The following WDR27 variants were observed in gnomAD, a reference collection of about 807,000 sequenced individuals.
WDR27 encodes WD repeat domain 27.
In WDR27, 100 loss-of-function variants were observed where a neutral mutation model predicts 114.4. That is an observed-to-expected ratio of 0.87 (90% CI 0.74 to 1.03). WDR27 has a LOEUF of 1.03. WDR27 is among the 50% of genes least tolerant of loss of function. The probability of loss-of-function intolerance (pLI) is 0.00; values close to 1 mark genes in which losing one functional copy is unlikely to be tolerated. For synonymous variants in WDR27, 449 were observed against 423.1 expected, an observed-to-expected ratio of 1.06 and a Z score of -0.75; for missense variants, 1,129 against 1,092.9, an observed-to-expected ratio of 1.03 and a Z score of -0.47.
rs113102089 is a variant in WDR27, at chr6:169,457,540, G to A, written c.*52C>T. 1.1e-3 allele frequency: 1,663 copies of A among 1,488,452 alleles called. 19 individuals carry two copies. The African/African-American group carries it at 0.021, about 19-fold the overall frequency. The allele number at this position is 1,488,452 out of a possible 1,614,324, so 92.2% of individuals were successfully genotyped here. On this transcript the variant is annotated 3_prime_UTR_variant, in exon 26 of 26. Coordinates refer to ENST00000448612, the MANE Select transcript of WDR27 (RefSeq NM_182552.5). ...ATGAACCACTACTTCTTACTTTTAA[G>A]TTGTTCCTCACAGCATTCCTGGACC...
Position 169,599,579 on chromosome 6 carries a change from T to C in WDR27, c.2424+2640A>G, listed in dbSNP as rs560037603. On this transcript the variant is annotated intron_variant, in intron 23 of 25. Coordinates refer to ENST00000448612, the MANE Select transcript of WDR27 (RefSeq NM_182552.5). ...GTTTATAGTATTCTCTGATGGTAGT[T>C]TGTATTTCTGTGGGATTGGTGGTGA... is the stretch of plus-strand genomic sequence containing the variant. Among the ~76,000 whole-genome samples, 4 of 152,296 alleles carry C rather than the reference T, an allele frequency of 2.6e-5. No homozygotes were observed. In the South Asian group the frequency reaches 8.3e-4, roughly 32 times the overall value.
the WDR27 span, among the ~76,000 whole-genome samples, chr6:169,445,762 G>T: frequency 6.6e-6 from 1 of 152,360 alleles, no homozygotes; most frequent in South Asian, 2.1e-4. Context: ...TCACAGCGGA[G>T]GTCTGGCAGC....
chr6:169,577,764 C>A (rs888322353), intron 24 of WDR27, among the ~76,000 whole-genome samples: 2 of 152,204 alleles, frequency 1.3e-5, no homozygotes, highest in African/African-American at 2.4e-5. Context: ...AAGACATTCG[C>A]CGCAGCAGCT....
intron 23 of WDR27, among the ~76,000 whole-genome samples, chr6:169,588,985 A>G (rs1282319555): frequency 6.6e-6 from 1 of 152,208 alleles, no homozygotes; most frequent in Non-Finnish European, 1.5e-5. Flanking sequence ...AGGTTTTGCT[A>G]TTTATTTCAC....
In WDR27 at chr6:169,662,319, T is replaced by C; in HGVS notation, c.1010A>G (p.Asn337Ser). 2 of 1,613,846 alleles carry C rather than the reference T, an allele frequency of 1.2e-6. No individual in the cohort carries two copies. The highest frequency in any genetic ancestry group is 1.7e-6 in the Non-Finnish European group (2 of 1,179,718). ...TGATACTTACCATCCACATGCAGAA[T>C]TTGGGATGAGTGAGAGATCACAGGG... ...LAPCDLSLIPNSACGCLSSEN... is the reference protein window; with the variant it reads ...LAPCDLSLIPSSACGCLSSEN... Residue 337 changes from asparagine to serine, a missense_variant, in exon 9 of 26, where the codon AAT becomes AGT. Coordinates refer to ENST00000448612, the MANE Select transcript of WDR27 (RefSeq NM_182552.5).
chr6:169,592,195 A>C (rs890923281), intron 23 of WDR27, among the ~76,000 whole-genome samples: 1 of 152,154 alleles, frequency 6.6e-6, no homozygotes, highest in Non-Finnish European at 1.5e-5. Context: ...TTATTCTCCC[A>C]AGTAACTTTC....
intron 25 of WDR27, among the ~76,000 whole-genome samples, chr6:169,510,117 A>C (rs949060901): frequency 1.3e-5 from 2 of 152,232 alleles, no homozygotes; most frequent in African/African-American, 4.8e-5. Flanking sequence ...CGATCATTAA[A>C]AAGTCAGGAA....
intron 6 of WDR27, chr6:169,666,735 G>A (rs1827925175): frequency 3.0e-6 from 3 of 991,974 alleles, no homozygotes; most frequent in Non-Finnish European, 3.6e-6. Flanking sequence ...ACCTGACCAT[G>A]AGGCCAGGTG....
the WDR27 span, among the ~76,000 whole-genome samples, chr6:169,445,071 C>T: frequency 2.6e-5 from 4 of 152,224 alleles, no homozygotes; most frequent in East Asian, 7.7e-4. Flanking sequence ...ACTTCAAATA[C>T]AAACAATAAC....
At chr6:169,675,564 G>A (rs1365258581) in intron 2 of WDR27, among the ~76,000 whole-genome samples, 1 of 152,160 alleles carries the variant, frequency 6.6e-6, no homozygotes, top group African/African-American at 2.4e-5. Flanking sequence ...ATGTACTTTA[G>A]GGAGGCATGA....
chr6:169,513,419 G>A (rs2115540309), intron 25 of WDR27, among the ~76,000 whole-genome samples: 1 of 152,256 alleles, frequency 6.6e-6, no homozygotes, highest in South Asian at 2.1e-4. Flanking sequence ...ACCTCTCGAG[G>A]AAAGAAGTGT....
At chr6:169,701,242 A>G (rs890095829) in intron 1 of WDR27, among the ~76,000 whole-genome samples, 8 of 152,226 alleles carry the variant, frequency 5.3e-5, no homozygotes, top group African/African-American at 1.4e-4. Flanking sequence ...TATTTTTAAA[A>G]AGAGAAAATT....
chr6:169,562,015 A>C (rs1799741943), intron 25 of WDR27, among the ~76,000 whole-genome samples: 1 of 152,244 alleles, frequency 6.6e-6, no homozygotes, highest in Non-Finnish European at 1.5e-5. Context: ...AAGAGGACAT[A>C]ATAACCCAAA....
Position 169,636,357 on chromosome 6 carries a change from C to CG in WDR27, c.2003+13dup, listed in dbSNP as rs771169155. ...TGTGATCTAAAAATAATGCACAGGG[C>CG]GGGGGGTGCCTACCTCTTAATCTCA... On this transcript the variant is annotated intron_variant, in intron 19 of 25. Transcript: ENST00000448612. 6.2e-7 allele frequency: 1 copy of CG among 1,612,796 alleles called. No homozygotes were observed. Among genetic ancestry groups the CG allele is most frequent in the African/African-American group, 1.3e-5 (1 of 74,942 alleles).
chr6:169,520,457 G>A (rs1167391088), intron 25 of WDR27, among the ~76,000 whole-genome samples: 1 of 152,018 alleles, frequency 6.6e-6, no homozygotes, highest in African/African-American at 2.4e-5. Context: ...AGAGAATACT[G>A]GAATAAATAA....
chr6:169,490,787 G>A (rs747437884), intron 25 of WDR27, among the ~76,000 whole-genome samples: 39 of 152,124 alleles, frequency 2.6e-4, no homozygotes, highest in Non-Finnish European at 4.1e-4. Context: ...AATTATCTGT[G>A]GTCTCTGTGT....
chr6:169,646,478 G>A (rs559931872), intron 16 of WDR27, among the ~76,000 whole-genome samples: 4 of 152,250 alleles, frequency 2.6e-5, no homozygotes, highest in African/African-American at 7.2e-5. Flanking sequence ...TGGGCGCAGC[G>A]GCTCACACCT....
chr6:169,454,187 G>T (rs1784261971), downstream of WDR27, among the ~76,000 whole-genome samples: 3 of 152,214 alleles, frequency 2.0e-5, no homozygotes, highest in Admixed American at 6.5e-5. Flanking sequence ...TTTATATTCT[G>T]CTCCCTTTTT....
intron 21 of WDR27, among the ~76,000 whole-genome samples, chr6:169,625,057 T>G (rs1814452582): frequency 6.6e-6 from 1 of 152,244 alleles, no homozygotes; most frequent in Non-Finnish European, 1.5e-5. Context: ...ACGTAGCTGC[T>G]TCTCTTATGT....
Sources: allele counts gnomAD v4.1 joint callset (sites outside exome capture counted in the v4.1 genomes callset), GRCh38; gene constraint gnomAD v4.1.1; transcripts MANE v1.5; gene names NCBI Gene and HGNC (gene_info 2026-07-23, HGNC 2026-07-21).